The following JADE2 variants were observed in gnomAD, a reference collection of about 807,000 sequenced individuals.
The protein encoded by JADE2 is jade family PHD finger 2, also known as E3 ubiquitin-protein ligase Jade-2.
JADE2 carries 13 observed loss-of-function variants against 85.7 expected under a neutral mutation model. That is an observed-to-expected ratio of 0.15 (90% CI 0.10 to 0.24). JADE2 has a LOEUF of 0.24. JADE2 is among the 10% of genes least tolerant of loss of function. JADE2 has a pLI of 1.00. For missense variants in JADE2, 846 were observed against 1,115.9 expected (o/e 0.76, Z 3.45); for synonymous variants, 440 against 456.1 (o/e 0.96, Z 0.45).
At chr5:134,545,273 G>A (rs1419670585) in intron 3 of JADE2, among the ~76,000 whole-genome samples, 6 of 152,184 alleles carry the variant, frequency 3.9e-5, no homozygotes, top group Non-Finnish European at 2.9e-5. Context: ...AGTTGGAAAC[G>A]TTGCTGCTCC....
chr5:134,525,614 C>CCCCCA, upstream of JADE2: 1 of 624,342 alleles, frequency 1.6e-6, no homozygotes, highest in Non-Finnish European at 2.3e-6. Context: ...ACCCCCACCC[C>CCCCCA]AACACATTTT....
In JADE2 at chr5:134,579,578, C is replaced by A; in HGVS notation, c.*261C>A. The A allele has an allele frequency of 2.2e-6, 1 of 458,288 alleles. No individual in the cohort carries two copies. Among genetic ancestry groups the A allele is most frequent in the Non-Finnish European group, 3.9e-6 (1 of 256,604 alleles). 28.4% of individuals were successfully genotyped at this position (458,288 alleles called of 1,614,324 possible). On this transcript the variant is annotated 3_prime_UTR_variant, in exon 12 of 12. Transcript: ENST00000681547. This position sits in a 1 kb window ranked among gnomAD's most constrained non-coding sequence, Gnocchi z 4.6. The stretch of plus-strand genomic sequence containing the variant: ...TCCCGCGCACCATCCCTGCCCTGCC[C>A]ACGTGGTATTGCTGGGCTCCTGGCT...
chr5:134,535,321 C>T (rs1010326149), intron 1 of JADE2, among the ~76,000 whole-genome samples: 2 of 152,116 alleles, frequency 1.3e-5, no homozygotes, highest in Non-Finnish European at 2.9e-5. Flanking sequence ...GAGTGTCCCC[C>T]GCCTCTCCCC....
Position 134,579,693 on chromosome 5 carries a change from A to G in JADE2, c.*376A>G, listed in dbSNP as rs1039515494. ...TCGTTTGGGCATTATTTCATGGCAG[A>G]TGGGCCAGTCCAGGGCCTACCCCGC... On this transcript the variant is annotated 3_prime_UTR_variant, in exon 12 of 12. Transcript: ENST00000681547. The surrounding 1 kb of genome is among the most constrained non-coding windows in gnomAD (Gnocchi z 4.6). 28 of 217,302 alleles carry G rather than the reference A, an allele frequency of 1.3e-4. No homozygotes were observed. Among genetic ancestry groups the G allele is most frequent in the Admixed American group, 2.1e-4 (4 of 19,420 alleles). The allele number at this position is 217,302 out of a possible 1,614,324, so 13.5% of individuals were successfully genotyped here. A position where few individuals can be genotyped will look rare whatever the true frequency, so the allele number is the denominator to read the frequency against.
At chr5:134,564,826 C>T (rs1192540066) in intron 8 of JADE2, among the ~76,000 whole-genome samples, 1 of 152,154 alleles carries the variant, frequency 6.6e-6, no homozygotes, top group Non-Finnish European at 1.5e-5. Flanking sequence ...ACCCGGGGAA[C>T]CAAGGCTCAC....
At chr5:134,552,638 G>C (rs1014239497) in intron 4 of JADE2, among the ~76,000 whole-genome samples, 23 of 152,194 alleles carry the variant, frequency 1.5e-4, no homozygotes, top group Admixed American at 1.4e-3. Flanking sequence ...CTGTAATGTT[G>C]ATCCAAACTG....
At chr5:134,527,030 G>A (rs1760883328) in intron 1 of JADE2, among the ~76,000 whole-genome samples, 1 of 152,164 alleles carries the variant, frequency 6.6e-6, no homozygotes, top group Non-Finnish European at 1.5e-5. Context: ...CTGCACCATG[G>A]GTGGTACCAG....
chr5:134,568,483 A>C (rs1156635422), intron 9 of JADE2, among the ~76,000 whole-genome samples: 1 of 152,198 alleles, frequency 6.6e-6, no homozygotes, highest in African/African-American at 2.4e-5. Flanking sequence ...CCGGGGAATG[A>C]GAGCTGCTGC....
intron 1 of JADE2, among the ~76,000 whole-genome samples, chr5:134,528,846 A>T (rs1761048777): frequency 6.6e-6 from 1 of 152,192 alleles, no homozygotes; most frequent in Non-Finnish European, 1.5e-5. Context: ...GGATGCAGCA[A>T]ATGTTTCCAG....
At chr5:134,560,433 C>T (rs1763253272) in intron 5 of JADE2, among the ~76,000 whole-genome samples, 1 of 152,184 alleles carries the variant, frequency 6.6e-6, no homozygotes, top group African/African-American at 2.4e-5. Flanking sequence ...ACAGCACAAG[C>T]AGTGCCTTCT....
chr5:134,528,305 G>A (rs1761007253), intron 1 of JADE2, among the ~76,000 whole-genome samples: 1 of 152,140 alleles, frequency 6.6e-6, no homozygotes, highest in Non-Finnish European at 1.5e-5. Context: ...TTGTTTCCTG[G>A]GTTCCCAGGG....
Position 134,578,761 on chromosome 5 carries a change from C to T in JADE2, c.1949C>T (p.Pro650Leu). 1 of 1,612,490 alleles carries T rather than the reference C, an allele frequency of 6.2e-7. No individual in the cohort carries two copies. Among genetic ancestry groups the T allele is most frequent in the Non-Finnish European group, 8.5e-7 (1 of 1,179,288 alleles). The change falls in exon 12 of 12, where the codon CCA becomes CTA. Residue 650 changes from proline (P) to leucine (L), a missense_variant. By Grantham distance (98) the Pro-to-Leu change is moderately conservative. This residue lies in a region of JADE2 where 300 missense variants were observed against 300.7 expected (regional missense o/e 1.00). Coordinates refer to ENST00000681547, the MANE Select transcript of JADE2 (RefSeq NM_001388185.1). This position sits in a 1 kb window ranked among gnomAD's most constrained non-coding sequence, Gnocchi z 4.4. ...GRTRLPAKKKPPPPPPQDGPG... is the reference protein window; with the variant it reads ...GRTRLPAKKKLPPPPPQDGPG... ...ACCCGCCTGCCTGCCAAGAAGAAAC[C>T]ACCACCACCACCACCGCAGGACGGG...
chr5:134,530,932 G>C (rs937753001), intron 1 of JADE2, among the ~76,000 whole-genome samples: 32 of 152,304 alleles, frequency 2.1e-4, no homozygotes, highest in South Asian at 1.7e-3. Context: ...GCACTCCCTA[G>C]TATGTCACTG....
In JADE2 at chr5:134,541,079, C is replaced by T. The variant is rs138497029; in HGVS notation, c.153+2996C>T. On this transcript the variant is annotated intron_variant, in intron 3 of 11. Coordinates refer to ENST00000681547, the MANE Select transcript of JADE2 (RefSeq NM_001388185.1). ...GCTCCACGTGGCCCTGGGTCCAAGCCCAGGAGCCTCCGCAGGCTCTGAGGT... is the reference window on the plus strand; with the variant it reads ...GCTCCACGTGGCCCTGGGTCCAAGCTCAGGAGCCTCCGCAGGCTCTGAGGT... Among the ~76,000 whole-genome samples, 458 of 152,324 alleles carry T rather than the reference C, an allele frequency of 3.0e-3. 3 individuals carry two copies. The highest frequency in any genetic ancestry group is 0.011 in the African/African-American group (446 of 41,570).
intron 1 of JADE2, chr5:134,526,344 G>A (rs922994823): frequency 1.0e-6 from 1 of 985,076 alleles, no homozygotes; most frequent in Non-Finnish European, 1.2e-6. Flanking sequence ...GGGCCGGCGA[G>A]GGGGCGCGGG....
In JADE2 at chr5:134,541,350, T is replaced by C. The variant is rs184366102; in HGVS notation, c.153+3267T>C. On this transcript the variant is annotated intron_variant, in intron 3 of 11. Coordinates refer to ENST00000681547, the MANE Select transcript of JADE2 (RefSeq NM_001388185.1). Reference sequence around the variant, plus strand: ...GAACGCTTCCAAGTTATTTGGCTCATGAGAGGGCAGAGATGAAAGCGAGGA... The same window carrying C: ...GAACGCTTCCAAGTTATTTGGCTCACGAGAGGGCAGAGATGAAAGCGAGGA... Among the ~76,000 whole-genome samples, 6 of 152,368 alleles carry C rather than the reference T, an allele frequency of 3.9e-5. 1 individual carries two copies. Among genetic ancestry groups the C allele is most frequent in the Non-Finnish European group, 8.8e-5 (6 of 68,034 alleles).
In JADE2 at chr5:134,580,476, A is replaced by T. The variant is rs1289396294; in HGVS notation, c.*1159A>T. ...CCCGCCGTCCTGCCTTCCCCACCCC[A>T]CCCTTAGGTCCCAGGTAGTTGCTCT... On this transcript the variant is annotated 3_prime_UTR_variant, in exon 12 of 12. Coordinates refer to ENST00000681547, the MANE Select transcript of JADE2 (RefSeq NM_001388185.1). 1 of 39,152 alleles carries T rather than the reference A, an allele frequency of 2.6e-5. No homozygotes were observed. The highest frequency in any genetic ancestry group is 8.8e-4 in the East Asian group (1 of 1,130). The allele number at this position is 39,152 out of a possible 1,614,324, so 2.4% of individuals were successfully genotyped here.
At position 134,562,946 on chromosome 5, in the gene JADE2, A is replaced by T. The variant is rs1274744622; in HGVS notation, c.852+579A>T. Among the ~76,000 whole-genome samples, 1 of 152,182 alleles carries T rather than the reference A, an allele frequency of 6.6e-6. No individual in the cohort carries two copies. The highest frequency in any genetic ancestry group is 1.9e-4 in the East Asian group (1 of 5,200). ...GGAGATAGGGATGAGGTCTGGACAG[A>T]AGTCAGGCAGCTGACTAGAGGGGAA... On this transcript the variant is annotated intron_variant, in intron 7 of 11. Coordinates refer to ENST00000681547, the MANE Select transcript of JADE2 (RefSeq NM_001388185.1). This position sits in a 1 kb window ranked among gnomAD's most constrained non-coding sequence, Gnocchi z 4.6.
chr5:134,536,610 C>G (rs1053355917), intron 2 of JADE2: 1 of 152,238 alleles, frequency 6.6e-6, no homozygotes, highest in Non-Finnish European at 1.5e-5. Flanking sequence ...AGTGAGGGCT[C>G]TGGTACTAGG....
Sources: gnomAD v4.1 joint callset for allele counts (sites outside exome capture counted in the v4.1 genomes callset) on GRCh38, gnomAD v4.1.1 for gene constraint, gnomAD v4.1.1 regional missense constraint, Gnocchi (gnomAD v3.1) non-coding constraint, MANE v1.5 for transcripts, NCBI Gene and HGNC (gene_info 2026-07-23, HGNC 2026-07-21) for gene names.